Variants in LRRC7 observed in about 807,000 individuals in gnomAD.
LRRC7 encodes leucine-rich repeat-containing protein 7.
Under a neutral mutation model 175.7 loss-of-function variants are expected in LRRC7, and 23 were observed. The ratio of observed to expected loss-of-function variants is 0.13; its 90% CI spans 0.09 to 0.19. The LOEUF is 0.19. LRRC7 is among the 10% of genes least tolerant of loss of function. The probability of loss-of-function intolerance (pLI) is 1.00; values close to 1 mark genes in which losing one functional copy is unlikely to be tolerated. For missense variants in LRRC7, 1,354 were observed against 1,904.7 expected (o/e 0.71, Z 5.38); for synonymous variants, 685 against 680.9 (o/e 1.01, Z -0.09).
intron 23 of LRRC7, among the ~76,000 whole-genome samples, chr1:70,064,336 AC>A (rs1558038551): frequency 6.6e-6 from 1 of 151,996 alleles, no homozygotes; most frequent in Admixed American, 6.6e-5. Context: ...TACAGTACAT[AC>A]AGTAGGCACT....
intron 5 of LRRC7, among the ~76,000 whole-genome samples, chr1:69,832,583 T>A (rs2101307696): frequency 6.6e-6 from 1 of 152,220 alleles, no homozygotes; most frequent in East Asian, 1.9e-4. Context: ...TTTACCAAAT[T>A]GGCAAAAATG....
At chr1:70,068,087 A>G (rs77637241) in intron 23 of LRRC7, among the ~76,000 whole-genome samples, 11,889 of 152,104 alleles carry the variant, frequency 0.078, 573 homozygotes, top group South Asian at 0.18. Context: ...TTCAATCTTC[A>G]TGCATTTTAC....
intron 7 of LRRC7, among the ~76,000 whole-genome samples, chr1:69,921,397 G>A (rs896128637): frequency 1.3e-5 from 2 of 151,852 alleles, no homozygotes; most frequent in African/African-American, 2.4e-5. Context: ...TCACCTCAAA[G>A]CCAATATAGT....
intron 5 of LRRC7, among the ~76,000 whole-genome samples, chr1:69,833,827 C>CA (rs1680815178): frequency 6.6e-6 from 1 of 151,902 alleles, no homozygotes; most frequent in Admixed American, 6.6e-5. Context: ...TGCCAGAAAA[C>CA]AATGACTTGA....
Position 69,873,943 on chromosome 1 carries a change from G to A in LRRC7, c.647+35660G>A, listed in dbSNP as rs1341145412. The A allele has an allele frequency of 2.0e-5, 3 of 152,418 alleles. No individual in the cohort carries two copies. The Middle Eastern group carries it at 0.01, about 518-fold the overall frequency. The allele number at this position is 152,418 out of a possible 1,614,324, so 9.4% of individuals were successfully genotyped here. A position where few individuals can be genotyped will look rare whatever the true frequency, so the allele number is the denominator to read the frequency against. Reference sequence around the variant, plus strand: ...GATCAAACTAAGCCATAATTTAAAAGTCATCCTAATGCAGTAAATAAGATA... The same window carrying A: ...GATCAAACTAAGCCATAATTTAAAAATCATCCTAATGCAGTAAATAAGATA... On this transcript the variant is annotated intron_variant, in intron 7 of 26. Coordinates refer to ENST00000651989, the MANE Select transcript of LRRC7 (RefSeq NM_001370785.2).
intron 1 of LRRC7, among the ~76,000 whole-genome samples, chr1:69,577,330 T>A (rs1645995672): frequency 6.6e-6 from 1 of 152,184 alleles, no homozygotes; most frequent in Admixed American, 6.6e-5. Context: ...TAGATAGAAA[T>A]GCATGAAAAT....
In LRRC7 at chr1:70,128,142, A is replaced by G. The variant is rs1432570790; in HGVS notation, c.*6255A>G. On this transcript the variant is annotated 3_prime_UTR_variant, in exon 27 of 27. Coordinates refer to ENST00000651989, the MANE Select transcript of LRRC7 (RefSeq NM_001370785.2). The stretch of plus-strand genomic sequence containing the variant: ...ACACTGGGCTAATTTTTGTATTTTT[A>G]GTAGGGACAGGGTTTCACCGTGTTG... Among the ~76,000 whole-genome samples, 1 of 152,022 alleles carries G rather than the reference A, an allele frequency of 6.6e-6. No homozygotes were observed.
At chr1:69,628,842 CA>C (rs1267459275) in intron 1 of LRRC7, among the ~76,000 whole-genome samples, 1 of 152,066 alleles carries the variant, frequency 6.6e-6, no homozygotes, top group African/African-American at 2.4e-5. Context: ...TTATCTTTGA[CA>C]ATGAATCACA....
At chr1:70,046,672 C>CA (rs2102048476) in intron 22 of LRRC7, among the ~76,000 whole-genome samples, 1 of 152,206 alleles carries the variant, frequency 6.6e-6, no homozygotes, top group East Asian at 1.9e-4. Flanking sequence ...ACCCCATCAC[C>CA]AATGCAGGAA....
chr1:69,679,172 A>G (rs1660168580), intron 2 of LRRC7, among the ~76,000 whole-genome samples: 1 of 152,082 alleles, frequency 6.6e-6, no homozygotes, highest in African/African-American at 2.4e-5. Context: ...AGTTTATAAA[A>G]TGATCCATAA....
At chr1:69,845,589 C>A (rs1199784667) in intron 7 of LRRC7, among the ~76,000 whole-genome samples, 1 of 151,956 alleles carries the variant, frequency 6.6e-6, no homozygotes, top group African/African-American at 2.4e-5. Context: ...ATGAAGAAAG[C>A]TCATAGATTA....
intron 4 of LRRC7, among the ~76,000 whole-genome samples, chr1:69,813,921 G>A (rs551458155): frequency 6.6e-6 from 1 of 152,100 alleles, no homozygotes; most frequent in Non-Finnish European, 1.5e-5. Context: ...CTCAAGTAAG[G>A]CCATTTATTC....
chr1:70,050,283 G>T (rs750088324), intron 22 of LRRC7, among the ~76,000 whole-genome samples: 15 of 151,942 alleles, frequency 9.9e-5, no homozygotes, highest in Non-Finnish European at 1.9e-4. Context: ...TCAAAATTAC[G>T]AATGTTAAAT....
chr1:69,886,402 G>T (rs918490613), intron 7 of LRRC7, among the ~76,000 whole-genome samples: 6 of 151,124 alleles, frequency 4.0e-5, no homozygotes, highest in African/African-American at 1.5e-4. Context: ...GATCTTTGTT[G>T]GTTTAAAGTC....
intron 2 of LRRC7, among the ~76,000 whole-genome samples, chr1:69,754,929 A>C (rs567782143): frequency 6.6e-6 from 1 of 152,130 alleles, no homozygotes; most frequent in South Asian, 2.1e-4. Context: ...TATTGTAAAG[A>C]AAAAAAGGGT....
At chr1:69,777,192 G>A (rs1372497645) in intron 3 of LRRC7, among the ~76,000 whole-genome samples, 2 of 152,128 alleles carry the variant, frequency 1.3e-5, no homozygotes, top group Admixed American at 6.5e-5. Context: ...GGCAGATCCC[G>A]GGCCCACAGA....
chr1:69,685,423 GAGA>G (rs569255313), intron 2 of LRRC7, among the ~76,000 whole-genome samples: 3 of 152,172 alleles, frequency 2.0e-5, no homozygotes, highest in Admixed American at 1.3e-4. Context: ...TGGAATTTCT[GAGA>G]AGGAGACTGA....
intron 7 of LRRC7, among the ~76,000 whole-genome samples, chr1:69,842,425 G>A (rs760440599): frequency 3.3e-5 from 5 of 152,146 alleles, no homozygotes; most frequent in Middle Eastern, 3.4e-3. Context: ...TGTTAATTAC[G>A]AAACTATGAA....
chr1:70,091,968 A>G (rs1385495924), intron 25 of LRRC7, among the ~76,000 whole-genome samples: 2 of 152,116 alleles, frequency 1.3e-5, no homozygotes, highest in Non-Finnish European at 2.9e-5. Context: ...TCACTTATTG[A>G]CCAGTTTTGG....
Sources: gnomAD v4.1 joint callset for allele counts (sites outside exome capture counted in the v4.1 genomes callset) on GRCh38, gnomAD v4.1.1 for gene constraint, MANE v1.5 for transcripts, NCBI Gene and HGNC (gene_info 2026-07-23, HGNC 2026-07-21) for gene names.